Variants in AUTS2 observed in about 807,000 individuals in gnomAD.
AUTS2 encodes autism susceptibility gene 2 protein.
A neutral mutation model predicts 112.4 loss-of-function variants in AUTS2; 17 were observed. That is an observed-to-expected ratio of 0.15 (90% confidence interval 0.10 to 0.23). AUTS2 has a LOEUF of 0.23. AUTS2 is among the 10% of genes least tolerant of loss of function. The probability of loss-of-function intolerance (pLI) is 1.00; values close to 1 mark genes in which losing one functional copy is unlikely to be tolerated. For missense variants in AUTS2, 1,510 were observed against 1,701.6 expected (o/e 0.89, Z 1.98); for synonymous variants, 751 against 702.7 (o/e 1.07, Z -1.09).
intron 4 of AUTS2, among the ~76,000 whole-genome samples, chr7:70,204,290 A>G (rs763791850): frequency 1.5e-4 from 23 of 152,202 alleles, no homozygotes; most frequent in Non-Finnish European, 3.1e-4. Flanking sequence ...GTGTTCCCAC[A>G]TTGTTAATAT....
At chr7:69,816,786 C>T (rs1210123972) in intron 1 of AUTS2, among the ~76,000 whole-genome samples, 1 of 152,184 alleles carries the variant, frequency 6.6e-6, no homozygotes, top group Non-Finnish European at 1.5e-5. Context: ...TTGACAGAGC[C>T]AAGATTCTAG....
Position 70,770,748 on chromosome 7 carries a change from A to G in AUTS2, c.1735-801A>G, listed in dbSNP as rs1434189474. On this transcript the variant is annotated intron_variant, in intron 10 of 18. Transcript: ENST00000342771. Reference sequence around the variant, plus strand: ...AGAGCTTGTTCATTTAATAGCAGATACCATTCAGAAGTGGCCATAAAAACT... The same window carrying G: ...AGAGCTTGTTCATTTAATAGCAGATGCCATTCAGAAGTGGCCATAAAAACT... Among the ~76,000 whole-genome samples the G allele has an allele frequency of 5.9e-5, 9 of 152,164 alleles. No homozygotes were observed. The East Asian group carries it at 1.5e-3, about 26-fold the overall frequency.
rs139844566 is a variant in AUTS2 at position 69,749,533 on chromosome 7, T to C, written c.309+149571T>C. On this transcript the variant is annotated intron_variant, in intron 1 of 18. Transcript: ENST00000342771. Reference sequence around the variant, plus strand: ...TTGCTGGATCATGTGATTGAAATTCTTTGAATTTTTCTGTAAATAGCCAAT... The same window carrying C: ...TTGCTGGATCATGTGATTGAAATTCCTTGAATTTTTCTGTAAATAGCCAAT... 2.9e-3 allele frequency among the ~76,000 whole-genome samples: 440 copies of C among 152,324 alleles called. 2 individuals are homozygous for C. Among genetic ancestry groups the C allele is most frequent in the African/African-American group, 9.8e-3 (408 of 41,584 alleles).
intron 5 of AUTS2, among the ~76,000 whole-genome samples, chr7:70,648,314 A>G (rs1806287225): frequency 1.3e-5 from 2 of 151,966 alleles, no homozygotes. Context: ...ACCTTCACCA[A>G]CACCTTTCAC....
intron 1 of AUTS2, among the ~76,000 whole-genome samples, chr7:69,700,603 A>G (rs1431620739): frequency 6.6e-6 from 1 of 152,182 alleles, no homozygotes; most frequent in Non-Finnish European, 1.5e-5. Context: ...GCTTCTGACT[A>G]GCCTCCATTA....
intron 5 of AUTS2, among the ~76,000 whole-genome samples, chr7:70,664,370 G>T (rs895364290): frequency 2.0e-5 from 3 of 152,166 alleles, no homozygotes; most frequent in Admixed American, 2.0e-4. Context: ...GTGGGATTTT[G>T]TGTTGTTGTT....
At chr7:70,692,727 G>A (rs1047955801) in intron 5 of AUTS2, among the ~76,000 whole-genome samples, 1 of 151,524 alleles carries the variant, frequency 6.6e-6, no homozygotes, top group African/African-American at 2.4e-5. Flanking sequence ...AGAGGCTAGA[G>A]GAGGGGGAAG....
chr7:70,220,245 T>G (rs1448769218), intron 4 of AUTS2, among the ~76,000 whole-genome samples: 1 of 152,240 alleles, frequency 6.6e-6, no homozygotes, highest in African/African-American at 2.4e-5. Context: ...TCTTTGATTT[T>G]TTTCAATCAT....
At chr7:70,372,122 A>G (rs144271855) in intron 4 of AUTS2, among the ~76,000 whole-genome samples, 26 of 152,328 alleles carry the variant, frequency 1.7e-4, no homozygotes, top group Non-Finnish European at 2.9e-4. Context: ...GAGGGGTCCT[A>G]TGTCCCCAAC....
At chr7:70,282,694 G>A (rs181258376) in intron 4 of AUTS2, among the ~76,000 whole-genome samples, 1 of 152,252 alleles carries the variant, frequency 6.6e-6, no homozygotes, top group East Asian at 1.9e-4. Flanking sequence ...CTGTGAAGAA[G>A]GTATTTGTTA....
intron 2 of AUTS2, among the ~76,000 whole-genome samples, chr7:69,983,225 A>G (rs905392540): frequency 6.6e-6 from 1 of 151,392 alleles, no homozygotes; most frequent in Non-Finnish European, 1.5e-5. Context: ...ATACTTTTAT[A>G]TTTTCCTTTT....
intron 5 of AUTS2, among the ~76,000 whole-genome samples, chr7:70,685,472 CAAAAAAAA>C (rs34403837): frequency 4.5e-5 from 3 of 65,960 alleles, no homozygotes; most frequent in African/African-American, 1.6e-4. Flanking sequence ...GACTCTGTCT[CAAAAAAAA>C]AAAAAAAAAA....
rs113885572 is a variant in AUTS2, at chr7:70,608,277, AT to A, written c.691-90284del. ...CACCACCATACCCAGCTAATTTTTA[AT>A]TTTTTTTGTATAGATGGGGTCTCAC... On this transcript the variant is annotated intron_variant, in intron 5 of 18. Transcript: ENST00000342771. Among the ~76,000 whole-genome samples, 104 of 151,736 alleles carry A rather than the reference AT, an allele frequency of 6.9e-4. 1 individual carries two copies. The highest frequency in any genetic ancestry group is 2.2e-3 in the African/African-American group (93 of 41,362).
chr7:70,152,762 C>A (rs1489674065), intron 4 of AUTS2, among the ~76,000 whole-genome samples: 3 of 152,038 alleles, frequency 2.0e-5, no homozygotes, highest in Non-Finnish European at 4.4e-5. Flanking sequence ...TGCTTTACAT[C>A]TTTAATTATT....
At chr7:69,830,636 C>T (rs894739140) in intron 1 of AUTS2, among the ~76,000 whole-genome samples, 16 of 152,094 alleles carry the variant, frequency 1.1e-4, no homozygotes, top group Admixed American at 8.5e-4. Flanking sequence ...ACTGAGGAAG[C>T]GTTTGTTATT....
At chr7:69,699,620 G>C (rs1301032146) in intron 1 of AUTS2, among the ~76,000 whole-genome samples, 3 of 149,068 alleles carry the variant, frequency 2.0e-5, no homozygotes, top group Admixed American at 6.7e-5. Context: ...GCTCTTACAA[G>C]TGATGCTGCA....
intron 2 of AUTS2, among the ~76,000 whole-genome samples, chr7:70,095,332 G>A (rs1804136215): frequency 6.6e-6 from 1 of 152,180 alleles, no homozygotes; most frequent in African/African-American, 2.4e-5. Flanking sequence ...TTGGAAATAC[G>A]TGCATTCTCA....
At chr7:69,635,999 G>C (rs1213544362) in intron 1 of AUTS2, among the ~76,000 whole-genome samples, 1 of 152,198 alleles carries the variant, frequency 6.6e-6, no homozygotes, top group Non-Finnish European at 1.5e-5. Context: ...AATTGAACTG[G>C]TTGTAGCAGA....
chr7:69,900,940 A>G (rs1794944653), intron 2 of AUTS2, among the ~76,000 whole-genome samples: 1 of 152,164 alleles, frequency 6.6e-6, no homozygotes, highest in Admixed American at 6.5e-5. Flanking sequence ...AATTTGTACA[A>G]CAACCCTGCC....
Sources: allele counts gnomAD v4.1 joint callset (sites outside exome capture counted in the v4.1 genomes callset), GRCh38; gene constraint gnomAD v4.1.1; transcripts MANE v1.5; gene names NCBI Gene and HGNC (gene_info 2026-07-23, HGNC 2026-07-21).